Variants in PTPRM observed in about 807,000 individuals in gnomAD.
PTPRM encodes protein tyrosine phosphatase receptor type M.
PTPRM carries 47 observed loss-of-function variants against 186.7 expected under a neutral mutation model. The ratio of observed to expected loss-of-function variants is 0.25; its 90% CI spans 0.20 to 0.32. The LOEUF is 0.32. Ranked by LOEUF, PTPRM falls within the 10% of genes least tolerant of loss-of-function variation. The probability of loss-of-function intolerance (pLI) is 1.00; values close to 1 mark genes in which losing one functional copy is unlikely to be tolerated. For synonymous variants in PTPRM, 668 were observed against 674.9 expected, an observed-to-expected ratio of 0.99 and a Z score of 0.16; for missense variants, 1,494 against 1,865.0, an observed-to-expected ratio of 0.80 and a Z score of 3.66.
At chr18:7,974,823 A>G (rs1433950773) in intron 7 of PTPRM, among the ~76,000 whole-genome samples, 1 of 152,228 alleles carries the variant, frequency 6.6e-6, no homozygotes, top group Non-Finnish European at 1.5e-5. Context: ...GACCGATAAT[A>G]ACTAGCAGAT....
intron 2 of PTPRM, among the ~76,000 whole-genome samples, chr18:7,809,412 T>TC (rs1568161354): frequency 6.6e-6 from 1 of 152,080 alleles, no homozygotes; most frequent in Non-Finnish European, 1.5e-5. Flanking sequence ...GGTTTCCCTT[T>TC]CCTACCCCTT....
intron 1 of PTPRM, among the ~76,000 whole-genome samples, chr18:7,595,814 A>G (rs2143682575): frequency 6.6e-6 from 1 of 152,284 alleles, no homozygotes; most frequent in Middle Eastern, 3.4e-3. Flanking sequence ...GCACAGCTGA[A>G]GCCATTTGAG....
intron 22 of PTPRM, among the ~76,000 whole-genome samples, chr18:8,337,660 C>T (rs535484167): frequency 5.1e-4 from 77 of 151,978 alleles, no homozygotes; most frequent in African/African-American, 1.8e-3. Flanking sequence ...CAGGGAGCCT[C>T]CACTTGGGTC....
At chr18:7,580,148 A>G (rs2036805508) in intron 1 of PTPRM, among the ~76,000 whole-genome samples, 1 of 152,242 alleles carries the variant, frequency 6.6e-6, no homozygotes, top group Admixed American at 6.5e-5. Context: ...CCAATATCTT[A>G]AAGAGTATGA....
chr18:7,650,233 C>T (rs145672907), intron 1 of PTPRM, among the ~76,000 whole-genome samples: 280 of 152,184 alleles, frequency 1.8e-3, no homozygotes, highest in Admixed American at 3.8e-3. Flanking sequence ...TGGAACCAAT[C>T]CTTGCAGATA....
intron 14 of PTPRM, among the ~76,000 whole-genome samples, chr18:8,221,165 G>A (rs1568548121): frequency 6.6e-6 from 1 of 152,152 alleles, no homozygotes; most frequent in Admixed American, 6.5e-5. Context: ...GACTAGGATA[G>A]CAATGGTCAT....
At chr18:7,710,715 A>T (rs1267313265) in intron 1 of PTPRM, among the ~76,000 whole-genome samples, 1 of 152,250 alleles carries the variant, frequency 6.6e-6, no homozygotes, top group East Asian at 1.9e-4. Flanking sequence ...TACAAAAATC[A>T]GTGTACACAA....
intron 1 of PTPRM, among the ~76,000 whole-genome samples, chr18:7,633,627 T>G (rs951848042): frequency 1.3e-5 from 2 of 152,122 alleles, no homozygotes; most frequent in African/African-American, 4.8e-5. Context: ...TCTGACCTGC[T>G]CTCTCTATCT....
At chr18:8,366,042 G>T (rs559249386) in intron 23 of PTPRM, among the ~76,000 whole-genome samples, 2 of 152,272 alleles carry the variant, frequency 1.3e-5, no homozygotes, top group South Asian at 4.2e-4. Flanking sequence ...CAGAAATTAT[G>T]ATTTAATTAG....
At chr18:7,586,711 G>A (rs1195027529) in intron 1 of PTPRM, among the ~76,000 whole-genome samples, 1 of 152,084 alleles carries the variant, frequency 6.6e-6, no homozygotes, top group Non-Finnish European at 1.5e-5. Context: ...TTAAATACTA[G>A]GCATTCCTTG....
At chr18:8,325,535 T>A (rs2095370482) in intron 22 of PTPRM, among the ~76,000 whole-genome samples, 1 of 152,170 alleles carries the variant, frequency 6.6e-6, no homozygotes, top group Non-Finnish European at 1.5e-5. Flanking sequence ...CATGGTATAT[T>A]TGTACTACAT....
intron 23 of PTPRM, among the ~76,000 whole-genome samples, chr18:8,357,619 A>G (rs2095570559): frequency 6.6e-6 from 1 of 152,200 alleles, no homozygotes; most frequent in South Asian, 2.1e-4. Flanking sequence ...TGTGTTCTGT[A>G]TAATTGCAAG....
chr18:8,343,095 A>T (rs1454006539), intron 22 of PTPRM, among the ~76,000 whole-genome samples: 1 of 151,520 alleles, frequency 6.6e-6, no homozygotes, highest in African/African-American at 2.4e-5. Context: ...TCTATTTTTT[A>T]AAATTTCACT....
chr18:7,886,822 C>T (rs1001802414), intron 2 of PTPRM, among the ~76,000 whole-genome samples: 4 of 152,136 alleles, frequency 2.6e-5, no homozygotes, highest in Non-Finnish European at 5.9e-5. Flanking sequence ...TAACAACAAC[C>T]TCTTAATCGG....
Position 8,252,860 on chromosome 18 carries a change from A to G in PTPRM, c.2566+361A>G, listed in dbSNP as rs529041972. Among the ~76,000 whole-genome samples, 15 of 152,302 alleles carry G rather than the reference A, an allele frequency of 9.8e-5. No individual in the cohort carries two copies. The South Asian group carries it at 2.9e-3, about 29-fold the overall frequency. ...GTGCAGAGTTTATTTATGTCATCATACGAACTACTGAACTAATGTTTCAAA... is the reference window on the plus strand; with the variant it reads ...GTGCAGAGTTTATTTATGTCATCATGCGAACTACTGAACTAATGTTTCAAA... On this transcript the variant is annotated intron_variant, in intron 18 of 32. Transcript: ENST00000580170.
At chr18:8,252,623 A>G (rs963977105) in intron 18 of PTPRM, 124 bp downstream of exon 18, 39 of 930,986 alleles carry the variant, frequency 4.2e-5, no homozygotes, top group Non-Finnish European at 6.9e-5. Flanking sequence ...GCCTTTGTAG[A>G]ACATTCCATG....
intron 3 of PTPRM, among the ~76,000 whole-genome samples, chr18:7,894,265 T>C (rs890432399): frequency 6.6e-6 from 1 of 152,166 alleles, no homozygotes; most frequent in South Asian, 2.1e-4. Flanking sequence ...TTTTTGACTA[T>C]TATATTTCTG....
At chr18:7,794,213 C>A (rs375417812) in intron 2 of PTPRM, among the ~76,000 whole-genome samples, 1 of 152,150 alleles carries the variant, frequency 6.6e-6, no homozygotes, top group East Asian at 1.9e-4. Flanking sequence ...TGTGATAGGG[C>A]AGGGGGTCTA....
intron 13 of PTPRM, among the ~76,000 whole-genome samples, chr18:8,121,324 T>C (rs925701919): frequency 5.3e-5 from 8 of 152,252 alleles, no homozygotes; most frequent in African/African-American, 1.9e-4. Flanking sequence ...TTTCTAATAG[T>C]ACCCAGGCTG....
Sources: allele counts gnomAD v4.1 joint callset (sites outside exome capture counted in the v4.1 genomes callset), GRCh38; gene constraint gnomAD v4.1.1; transcripts MANE v1.5; gene names NCBI Gene and HGNC (gene_info 2026-07-23, HGNC 2026-07-21).